The following RALGPS1 variants were observed in gnomAD, a reference collection of about 807,000 sequenced individuals.
The protein encoded by RALGPS1 is Ral GEF with PH domain and SH3 binding motif 1.
RALGPS1 carries 19 observed loss-of-function variants against 78.8 expected under a neutral mutation model. The observed-to-expected ratio is 0.24, with a 90% confidence interval of 0.17 to 0.35. RALGPS1 has a LOEUF of 0.35. RALGPS1 is among the 10% of genes least tolerant of loss of function. The pLI is 1.00. For synonymous variants in RALGPS1, 228 were observed against 256.3 expected, an observed-to-expected ratio of 0.89 and a Z score of 1.06; for missense variants, 454 against 688.3, an observed-to-expected ratio of 0.66 and a Z score of 3.81.
intron 1 of RALGPS1, among the ~76,000 whole-genome samples, chr9:126,927,167 A>G (rs1234275444): frequency 1.3e-5 from 2 of 152,096 alleles, no homozygotes; most frequent in South Asian, 2.1e-4. Context: ...GCTTTCACAG[A>G]TGGTTCTGAT....
intron 1 of RALGPS1, 50 bp downstream of exon 1, chr9:126,915,025 G>C (rs2033956153): frequency 6.7e-6 from 1 of 149,562 alleles, no homozygotes; most frequent in Admixed American, 6.7e-5. Context: ...GAGAGGCGCG[G>C]CCGACGGGGC....
chr9:127,126,148 C>T (rs2056600516), intron 8 of RALGPS1, among the ~76,000 whole-genome samples: 1 of 152,112 alleles, frequency 6.6e-6, no homozygotes, highest in Admixed American at 6.5e-5. Context: ...CCACCCCACC[C>T]CTACCCCCAA....
intron 1 of RALGPS1, among the ~76,000 whole-genome samples, chr9:126,957,624 GGTCAGCCTTATACT>G (rs986328182): frequency 2.0e-5 from 3 of 152,228 alleles, no homozygotes; most frequent in Admixed American, 2.0e-4. Flanking sequence ...AGGCTGAGTT[GGTCAGCCTTATACT>G]GCCTTTGAAT....
At chr9:126,952,281 A>C (rs10987527) in intron 1 of RALGPS1, among the ~76,000 whole-genome samples, 2 of 151,974 alleles carry the variant, frequency 1.3e-5, no homozygotes, top group Non-Finnish European at 2.9e-5. Flanking sequence ...TCAGCTCACT[A>C]TCTCTCCTTT....
At chr9:127,130,957 T>G (rs2056965276) in intron 8 of RALGPS1, among the ~76,000 whole-genome samples, 1 of 152,268 alleles carries the variant, frequency 6.6e-6, no homozygotes, top group Non-Finnish European at 1.5e-5. Context: ...GTTATCTCTT[T>G]CAACATACAG....
intron 7 of RALGPS1, among the ~76,000 whole-genome samples, chr9:127,068,658 G>A (rs1056524463): frequency 6.6e-6 from 1 of 152,180 alleles, no homozygotes; most frequent in Non-Finnish European, 1.5e-5. Context: ...CTTTGCCCAG[G>A]AGAGAATTCA....
intron 8 of RALGPS1, among the ~76,000 whole-genome samples, chr9:127,153,839 TGC>T (rs1202035078): frequency 1.3e-4 from 20 of 152,312 alleles, no homozygotes; most frequent in African/African-American, 4.6e-4. Context: ...TGAGTAAAAT[TGC>T]TGCTGGAGAA....
chr9:126,924,684 A>G (rs886310462), intron 1 of RALGPS1, among the ~76,000 whole-genome samples: 1 of 152,228 alleles, frequency 6.6e-6, no homozygotes. Flanking sequence ...GGATTGTACC[A>G]ATAACTGAAG....
chr9:127,185,057 A>T (rs182017477), intron 11 of RALGPS1, among the ~76,000 whole-genome samples: 1 of 152,108 alleles, frequency 6.6e-6, no homozygotes, highest in African/African-American at 2.4e-5. Context: ...CCAGATATCA[A>T]TCCCAAAATG....
rs74719541 is a variant in RALGPS1, at chr9:127,142,921, T to C, written c.611-23148T>C. ...AGTTATATCTTAATGATTAATCAGGTAGTATGTGGAAACTACCTCAACAAT... is the reference window on the plus strand; with the variant it reads ...AGTTATATCTTAATGATTAATCAGGCAGTATGTGGAAACTACCTCAACAAT... On this transcript the variant is annotated intron_variant, in intron 8 of 18. Transcript: ENST00000259351. Among the ~76,000 whole-genome samples, 1,189 of 152,302 alleles carry C rather than the reference T, an allele frequency of 7.8e-3. 9 individuals carry two copies. Among genetic ancestry groups the C allele is most frequent in the Admixed American group, 0.012 (183 of 15,288 alleles).
chr9:127,041,094 C>CT (rs138634149), intron 5 of RALGPS1, among the ~76,000 whole-genome samples: 12,676 of 123,534 alleles, frequency 0.1, 1,797 homozygotes, highest in African/African-American at 0.32. Context: ...TTCTTTCTTT[C>CT]TTTTTTTTTA....
chr9:126,962,455 C>A (rs1025954232), intron 2 of RALGPS1, 109 bp downstream of exon 2: 8 of 1,110,484 alleles, frequency 7.2e-6, no homozygotes, highest in African/African-American at 6.2e-5. Flanking sequence ...GTGAATACCA[C>A]CATTCTTAGC....
rs187983018 is a variant in RALGPS1, at chr9:127,082,482, C to G, written c.610+13126C>G. Reference sequence around the variant, plus strand: ...AGGCTGGCTGGCTACCTGACATATCCACTCCTGCTGTGGGCAGGAGGCTCC... The same window carrying G: ...AGGCTGGCTGGCTACCTGACATATCGACTCCTGCTGTGGGCAGGAGGCTCC... On this transcript the variant is annotated intron_variant, in intron 8 of 18. Coordinates refer to ENST00000259351, the MANE Select transcript of RALGPS1 (RefSeq NM_014636.3). 6.4e-4 allele frequency among the ~76,000 whole-genome samples: 98 copies of G among 152,264 alleles called. 1 individual carries two copies. The highest frequency in any genetic ancestry group is 2.2e-3 in the African/African-American group (91 of 41,550).
chr9:127,084,737 G>A (rs1235446185), intron 8 of RALGPS1, among the ~76,000 whole-genome samples: 1 of 152,250 alleles, frequency 6.6e-6, no homozygotes, highest in African/African-American at 2.4e-5. Flanking sequence ...TGTCAGGGAA[G>A]CCATCAACTA....
chr9:127,081,544 C>T (rs551554058), intron 8 of RALGPS1, among the ~76,000 whole-genome samples: 2 of 152,344 alleles, frequency 1.3e-5, no homozygotes, highest in Non-Finnish European at 2.9e-5. Context: ...TAATCGTTTT[C>T]CCTTGTTGAG....
intron 6 of RALGPS1, among the ~76,000 whole-genome samples, chr9:127,051,132 A>T (rs543476303): frequency 6.6e-6 from 1 of 152,328 alleles, no homozygotes; most frequent in South Asian, 2.1e-4. Context: ...GTTAAGAGCA[A>T]TGGCCACATT....
intron 1 of RALGPS1, among the ~76,000 whole-genome samples, chr9:126,945,053 C>G (rs2037128281): frequency 6.6e-6 from 1 of 152,222 alleles, no homozygotes; most frequent in South Asian, 2.1e-4. Flanking sequence ...TTCCTGTCCA[C>G]AGGAGGCAGC....
chr9:127,016,016 TTCTC>T (rs889873775), intron 4 of RALGPS1, among the ~76,000 whole-genome samples: 2 of 152,044 alleles, frequency 1.3e-5, no homozygotes, highest in African/African-American at 2.4e-5. Flanking sequence ...TCCTTCTCTC[TTCTC>T]TCTGTCTCTT....
At chr9:126,971,909 A>G (rs1313987235) in intron 3 of RALGPS1, among the ~76,000 whole-genome samples, 1 of 152,232 alleles carries the variant, frequency 6.6e-6, no homozygotes, top group Non-Finnish European at 1.5e-5. Context: ...AGATTTTCAA[A>G]ATAGAAGAAA....
Sources: allele counts gnomAD v4.1 joint callset (sites outside exome capture counted in the v4.1 genomes callset), GRCh38; gene constraint gnomAD v4.1.1; transcripts MANE v1.5; gene names NCBI Gene and HGNC (gene_info 2026-07-23, HGNC 2026-07-21).